SLC36A1: variants seen among roughly 807,000 people sequenced by gnomAD.
SLC36A1 encodes proton-coupled amino acid transporter 1.
A neutral mutation model predicts 47.5 loss-of-function variants in SLC36A1; 30 were observed. That is an observed-to-expected ratio of 0.63 (90% CI 0.47 to 0.86). SLC36A1 has a LOEUF of 0.86. Among genes scored for constraint, SLC36A1 ranks in the 40% least tolerant of loss-of-function variants. SLC36A1 has a pLI of 0.00. For missense variants in SLC36A1, 517 were observed against 606.0 expected (o/e 0.85, Z 1.54); for synonymous variants, 255 against 249.7 (o/e 1.02, Z -0.20).
At chr5:151,424,757 G>T in the SLC36A1 span, among the ~76,000 whole-genome samples, 1 of 151,850 alleles carries the variant, frequency 6.6e-6, no homozygotes. Flanking sequence ...TTACAAAATT[G>T]TTTAATTTAA....
rs201567716 is a variant in SLC36A1 at position 151,467,184 on chromosome 5, C to T, written c.420-15C>T. 4 of 1,590,868 alleles carry T rather than the reference C, an allele frequency of 2.5e-6. No homozygotes were observed. In the South Asian group the frequency reaches 3.4e-5, roughly 13 times the overall value. Reference sequence around the variant, plus strand: ...ATTGTAACAGTCTTTGTATTCCTTCCTTCCCCACCTCCAGACGTGTTGTGG... The same window carrying T: ...ATTGTAACAGTCTTTGTATTCCTTCTTTCCCCACCTCCAGACGTGTTGTGG... On this transcript the variant is annotated splice_polypyrimidine_tract_variant and intron_variant, in intron 5 of 10. Coordinates refer to ENST00000243389, the MANE Select transcript of SLC36A1 (RefSeq NM_078483.4).
chr5:151,528,668 AG>A, the SLC36A1 span, among the ~76,000 whole-genome samples: 1 of 152,194 alleles, frequency 6.6e-6, no homozygotes, highest in Non-Finnish European at 1.5e-5. Flanking sequence ...GCACCATAGC[AG>A]GGAGTGGAGG....
chr5:151,432,947 A>G (rs1170691572), upstream of SLC36A1, among the ~76,000 whole-genome samples: 2 of 151,962 alleles, frequency 1.3e-5, no homozygotes, highest in Non-Finnish European at 2.9e-5. Context: ...GCCTTATGAA[A>G]TCCTAAGCAG....
At chr5:151,473,954 G>C (rs1757678778) in intron 8 of SLC36A1, among the ~76,000 whole-genome samples, 183 bp downstream of exon 8, 1 of 151,924 alleles carries the variant, frequency 6.6e-6, no homozygotes, top group South Asian at 2.1e-4. Context: ...GAGGTCAGGA[G>C]TTCGAAACCA....
the SLC36A1 span, chr5:151,525,859 C>A: frequency 6.2e-7 from 1 of 1,614,112 alleles, no homozygotes; most frequent in Non-Finnish European, 8.5e-7. Context: ...GAAGGCAGAG[C>A]CGTTGTTCCC....
the SLC36A1 span, chr5:151,540,420 C>A: frequency 9.0e-6 from 5 of 554,614 alleles, no homozygotes; most frequent in African/African-American, 9.5e-5. Context: ...TGTTCTCCTG[C>A]CCCTCAATCT....
chr5:151,358,103 C>CT, the SLC36A1 span, among the ~76,000 whole-genome samples: 2 of 152,176 alleles, frequency 1.3e-5, no homozygotes, highest in Non-Finnish European at 2.9e-5. Context: ...CTGTGATTGA[C>CT]TGACTAGGCA....
At chr5:151,432,145 A>G (rs1216753399), upstream of SLC36A1, among the ~76,000 whole-genome samples, 3 of 152,176 alleles carry the variant, frequency 2.0e-5, no homozygotes, top group Non-Finnish European at 4.4e-5. Flanking sequence ...GGTGCCGGGA[A>G]TGAAACAGTT....
chr5:151,354,789 C>T, the SLC36A1 span, among the ~76,000 whole-genome samples: 1 of 152,168 alleles, frequency 6.6e-6, no homozygotes, highest in African/African-American at 2.4e-5. Context: ...ATACCTGAAC[C>T]AATCATTGTG....
chr5:151,436,340 A>C (rs1331068419), upstream of SLC36A1, among the ~76,000 whole-genome samples: 3 of 152,170 alleles, frequency 2.0e-5, no homozygotes, highest in African/African-American at 7.2e-5. Flanking sequence ...ATAATACAGC[A>C]TGTATTCTAC....
chr5:151,381,064 A>C, the SLC36A1 span: 3 of 445,776 alleles, frequency 6.7e-6, no homozygotes, highest in Admixed American at 8.9e-5. Flanking sequence ...AGAAGCAGCT[A>C]GCCTTGAGGC....
chr5:151,498,374 A>G, the SLC36A1 span, among the ~76,000 whole-genome samples: 1 of 152,226 alleles, frequency 6.6e-6, no homozygotes, highest in Non-Finnish European at 1.5e-5. Flanking sequence ...AACATTCAGT[A>G]TACAAACTAT....
intron 3 of SLC36A1, 123 bp downstream of exon 3, chr5:151,463,766 A>G (rs1755934646): frequency 1.1e-5 from 8 of 753,664 alleles, no homozygotes; most frequent in Admixed American, 7.2e-5. Flanking sequence ...AAATCAGTTG[A>G]CAAAAAGCGG....
chr5:151,445,433 T>C (rs969890425), upstream of SLC36A1, among the ~76,000 whole-genome samples: 2 of 152,242 alleles, frequency 1.3e-5, no homozygotes, highest in Admixed American at 1.3e-4. Context: ...AATCAGCCTG[T>C]AATTTTCTTT....
intron 8 of SLC36A1, among the ~76,000 whole-genome samples, chr5:151,474,195 A>AACT (rs1358185276): frequency 6.7e-6 from 1 of 150,126 alleles, no homozygotes; most frequent in Non-Finnish European, 1.5e-5. Context: ...TATCTTCTGT[A>AACT]ACTCACTGGT....
the SLC36A1 span, among the ~76,000 whole-genome samples, chr5:151,365,882 G>T: frequency 1.3e-5 from 2 of 152,144 alleles, no homozygotes; most frequent in Non-Finnish European, 2.9e-5. Context: ...GCCTCCATTG[G>T]TGGTGCCTCC....
chr5:151,468,251 CAAAAA>C (rs1214176868), intron 7 of SLC36A1, among the ~76,000 whole-genome samples: 14 of 31,286 alleles, frequency 4.5e-4, no homozygotes, highest in African/African-American at 2.2e-3. Flanking sequence ...GACTCTGTCT[CAAAAA>C]AAAAAAAAAA....
In SLC36A1 at chr5:151,486,434, A is replaced by G. The variant is rs80244025; in HGVS notation, c.1160-1549A>G. 0.01 allele frequency among the ~76,000 whole-genome samples: 1,527 copies of G among 152,280 alleles called. 60 individuals are homozygous for G. The East Asian group carries it at 0.13, about 13-fold the overall frequency. The stretch of plus-strand genomic sequence containing the variant: ...CTCTCATCTTACTGCAGGGAGTGCT[A>G]TTCTCTTTTGTTTGTTTTTATGGCT... On this transcript the variant is annotated intron_variant, in intron 10 of 10. Coordinates refer to ENST00000243389, the MANE Select transcript of SLC36A1 (RefSeq NM_078483.4).
the SLC36A1 span, chr5:151,543,098 C>T: frequency 6.2e-7 from 1 of 1,614,102 alleles, no homozygotes; most frequent in South Asian, 1.1e-5. Flanking sequence ...TGAAGTCGTA[C>T]TGGCACCAGA....
Sources: allele counts gnomAD v4.1 joint callset (sites outside exome capture counted in the v4.1 genomes callset), GRCh38; gene constraint gnomAD v4.1.1; transcripts MANE v1.5; gene names NCBI Gene and HGNC (gene_info 2026-07-23, HGNC 2026-07-21).